SNX8: variants seen among roughly 807,000 people sequenced by gnomAD.
The protein encoded by SNX8 is sorting nexin-8.
In SNX8, 25 loss-of-function variants were observed where a neutral mutation model predicts 51.6. That is an observed-to-expected ratio of 0.48 (90% CI 0.35 to 0.68). The LOEUF (loss-of-function observed/expected upper bound fraction) is 0.68, where lower values mean the gene tolerates loss of function less well. SNX8 is among the 30% of genes least tolerant of loss of function. The probability of loss-of-function intolerance (pLI) is 0.00; values close to 1 mark genes in which losing one functional copy is unlikely to be tolerated. For synonymous variants in SNX8, 324 were observed against 277.0 expected, an observed-to-expected ratio of 1.17 and a Z score of -1.68; for missense variants, 695 against 624.0, an observed-to-expected ratio of 1.11 and a Z score of -1.21.
At position 2,269,561 on chromosome 7, in the gene SNX8, T is replaced by C. The variant is rs911493529; in HGVS notation, c.619A>G (p.Lys207Glu). Residue 207 changes from lysine (K) to glutamate (E), a missense_variant and splice_region_variant, in exon 5 of 11, where the codon AAG becomes GAG. Coordinates refer to ENST00000222990, the MANE Select transcript of SNX8 (RefSeq NM_013321.4). ...FLNCKLATRA[K>E]DFLPADIQAQ... ...AAAGAAAAAAAAAAGAAAAATACCTTGGCCCTGGTAGCCAGCTTACAGTTC... is the reference window on the plus strand; with the variant it reads ...AAAGAAAAAAAAAAGAAAAATACCTCGGCCCTGGTAGCCAGCTTACAGTTC... 3 of 1,539,782 alleles carry C rather than the reference T, an allele frequency of 1.9e-6. No individual in the cohort carries two copies. Among genetic ancestry groups the C allele is most frequent in the South Asian group, 1.3e-5 (1 of 78,474 alleles).
chr7:2,259,825 C>A (rs943132068), intron 7 of SNX8, among the ~76,000 whole-genome samples: 8 of 152,084 alleles, frequency 5.3e-5, no homozygotes, highest in African/African-American at 1.9e-4. Context: ...TCCCTCTGTT[C>A]GTGTCATTTG....
chr7:2,272,404 C>A (rs1488931675), intron 3 of SNX8, among the ~76,000 whole-genome samples: 2 of 150,180 alleles, frequency 1.3e-5, no homozygotes, highest in East Asian at 3.9e-4. Flanking sequence ...GACAGAGTTT[C>A]GCTCCTGTTG....
chr7:2,321,793 G>A (rs1161792381), intron 1 of SNX8, among the ~76,000 whole-genome samples: 6 of 133,682 alleles, frequency 4.5e-5, no homozygotes, highest in East Asian at 2.2e-4. Context: ...CTCGGATCTC[G>A]GCTCACTGCA....
chr7:2,281,330 G>C (rs1461282175), intron 1 of SNX8, among the ~76,000 whole-genome samples: 1 of 151,772 alleles, frequency 6.6e-6, no homozygotes, highest in Non-Finnish European at 1.5e-5. Context: ...GAGGCAGGAG[G>C]ATTGCTTGAG....
Position 2,256,858 on chromosome 7 carries a change from A to C in SNX8, c.1284+16T>G, listed in dbSNP as rs2302070. 1.2e-6 allele frequency: 2 copies of C among 1,604,380 alleles called. No individual in the cohort carries two copies. The highest frequency in any genetic ancestry group is 1.3e-5 in the African/African-American group (1 of 74,742). ...AGGCCGTGGCCGAGACGGCGGCCGGAGCAGGGCGGACTCACCTCCTTGTGC... is the reference window on the plus strand; with the variant it reads ...AGGCCGTGGCCGAGACGGCGGCCGGCGCAGGGCGGACTCACCTCCTTGTGC... On this transcript the variant is annotated intron_variant, in intron 10 of 10. Coordinates refer to ENST00000222990, the MANE Select transcript of SNX8 (RefSeq NM_013321.4).
intron 1 of SNX8, chr7:2,287,851 A>C (rs555507940): frequency 1.3e-5 from 2 of 151,804 alleles, no homozygotes; most frequent in Admixed American, 6.6e-5. Context: ...TTGGGACTGC[A>C]GTGAGCCAGG....
intron 1 of SNX8, among the ~76,000 whole-genome samples, chr7:2,347,078 G>T (rs1252966698): frequency 6.6e-6 from 1 of 152,086 alleles, no homozygotes; most frequent in Non-Finnish European, 1.5e-5. Context: ...CTGTAATCCA[G>T]CCATGGGAGC....
chr7:2,323,349 A>C (rs12670344), intron 1 of SNX8, among the ~76,000 whole-genome samples: 40,660 of 145,450 alleles, frequency 0.28, 6,125 homozygotes, highest in Middle Eastern at 0.46. Flanking sequence ...AAAAAAAAAA[A>C]CAACCAAACA....
intron 1 of SNX8, among the ~76,000 whole-genome samples, chr7:2,279,618 G>A (rs1795864768): frequency 6.6e-6 from 1 of 151,968 alleles, no homozygotes; most frequent in South Asian, 2.1e-4. Context: ...ATGCGTGGTG[G>A]CTCACTGGCT....
intron 7 of SNX8, among the ~76,000 whole-genome samples, chr7:2,262,647 T>C (rs988477330): frequency 1.3e-5 from 2 of 152,210 alleles, no homozygotes; most frequent in African/African-American, 4.8e-5. Flanking sequence ...AGATCATCTT[T>C]TCAAAGACAG....
intron 1 of SNX8, among the ~76,000 whole-genome samples, chr7:2,338,805 A>G (rs992318717): frequency 1.3e-5 from 2 of 151,802 alleles, no homozygotes; most frequent in African/African-American, 4.8e-5. Flanking sequence ...GCTCATGCCT[A>G]TAATTTCAGC....
At chr7:2,290,381 G>A (rs1241172586) in intron 1 of SNX8, among the ~76,000 whole-genome samples, 2 of 151,956 alleles carry the variant, frequency 1.3e-5, no homozygotes, top group Admixed American at 6.6e-5. Context: ...ATGCATGCCT[G>A]TAATTCCAGA....
At chr7:2,335,262 G>A (rs926418603) in intron 1 of SNX8, among the ~76,000 whole-genome samples, 1 of 152,036 alleles carries the variant, frequency 6.6e-6, no homozygotes, top group African/African-American at 2.4e-5. Context: ...AACAGCCAAC[G>A]GATAAACAAA....
chr7:2,345,716 G>C (rs769799315), intron 1 of SNX8, among the ~76,000 whole-genome samples: 2 of 151,852 alleles, frequency 1.3e-5, no homozygotes, highest in Non-Finnish European at 2.9e-5. Context: ...GAATAAGGTT[G>C]GTGGATTTTA....
chr7:2,322,382 AG>A (rs1277734897), intron 1 of SNX8, among the ~76,000 whole-genome samples: 3 of 152,018 alleles, frequency 2.0e-5, no homozygotes, highest in Non-Finnish European at 4.4e-5. Flanking sequence ...TGGGCCACAG[AG>A]CAAGACCCCA....
chr7:2,327,748 T>C (rs966335128), intron 1 of SNX8, among the ~76,000 whole-genome samples: 27 of 151,858 alleles, frequency 1.8e-4, no homozygotes, highest in Non-Finnish European at 3.2e-4. Context: ...TTCACCGTGT[T>C]AGCCAGGATG....
At chr7:2,306,132 A>G (rs908229195) in intron 1 of SNX8, among the ~76,000 whole-genome samples, 19 of 151,976 alleles carry the variant, frequency 1.3e-4, no homozygotes, top group Admixed American at 1.2e-3. Flanking sequence ...AACCCGGGAC[A>G]AGTCATTTTT....
chr7:2,320,219 G>T (rs1189664698), intron 1 of SNX8, among the ~76,000 whole-genome samples: 1 of 151,940 alleles, frequency 6.6e-6, no homozygotes, highest in Non-Finnish European at 1.5e-5. Context: ...GCCGGGCATG[G>T]TGTCATATGC....
At position 2,351,516 on chromosome 7, in the gene SNX8, G is replaced by A. The variant is rs538086901; in HGVS notation, c.-66+2706C>T. 5.6e-4 allele frequency among the ~76,000 whole-genome samples: 85 copies of A among 152,268 alleles called. 1 individual carries two copies. In the South Asian group the frequency reaches 0.014, roughly 25 times the overall value. On this transcript the variant is annotated intron_variant, in intron 1 of 5. Transcript: ENST00000435336. ...ACGGCACCACTGTACTCCAGCCTGG[G>A]TGACAGAGTGAGACCCTGTTAAAAA...
Sources: allele counts gnomAD v4.1 joint callset (sites outside exome capture counted in the v4.1 genomes callset), GRCh38; gene constraint gnomAD v4.1.1; transcripts MANE v1.5; gene names NCBI Gene and HGNC (gene_info 2026-07-23, HGNC 2026-07-21).